MTRF1L: variants seen among roughly 807,000 people sequenced by gnomAD.
The protein encoded by MTRF1L is mitochondrial translation release factor 1 like.
In MTRF1L, 29 loss-of-function variants were observed where a neutral mutation model predicts 40.0. The observed-to-expected ratio is 0.73, with a 90% confidence interval of 0.54 to 0.99. MTRF1L has a LOEUF of 0.99. MTRF1L is among the 50% of genes least tolerant of loss of function. The probability of loss-of-function intolerance (pLI) is 0.00; values close to 1 mark genes in which losing one functional copy is unlikely to be tolerated. For missense variants in MTRF1L, 412 were observed against 464.5 expected, an observed-to-expected ratio of 0.89 and a Z score of 1.04; for synonymous variants, 150 against 175.8, an observed-to-expected ratio of 0.85 and a Z score of 1.16.
chr6:152,993,357 T>G (rs1389920134), intron 4 of MTRF1L, among the ~76,000 whole-genome samples: 1 of 151,850 alleles, frequency 6.6e-6, no homozygotes, highest in Non-Finnish European at 1.5e-5. Context: ...AAAAAAATGG[T>G]AGCGTGAGAA....
rs916407973 is a variant in MTRF1L at position 152,990,235 on chromosome 6, A to G, written c.943-140T>C. ...CCAGGTTTTAAACACTTAGAATCTC[A>G]AATGACATGGGAACATGATATAGAA... On this transcript the variant is annotated intron_variant, in intron 6 of 6. Transcript: ENST00000367233. The G allele has an allele frequency of 4.3e-6, 5 of 1,167,778 alleles. No individual in the cohort carries two copies. In the African/African-American group the frequency reaches 7.8e-5, roughly 18 times the overall value. The allele number at this position is 1,167,778 out of a possible 1,614,324, so 72.3% of individuals were successfully genotyped here.
intron 5 of MTRF1L, among the ~76,000 whole-genome samples, chr6:152,991,835 C>T (rs56051619): frequency 0.21 from 31,340 of 152,144 alleles, 3,311 homozygotes; most frequent in Admixed American, 0.3. Context: ...AGGCGTGAGC[C>T]ACCGCGCCCG....
At position 152,994,189 on chromosome 6, in the gene MTRF1L, A is replaced by G. The variant is rs536835133; in HGVS notation, c.687+324T>C. 5.3e-5 allele frequency among the ~76,000 whole-genome samples: 8 copies of G among 152,340 alleles called. No homozygotes were observed. In the East Asian group the frequency reaches 1.5e-3, roughly 29 times the overall value. On this transcript the variant is annotated intron_variant, in intron 4 of 6. Coordinates refer to ENST00000367233, the MANE Select transcript of MTRF1L (RefSeq NM_019041.7). The stretch of plus-strand genomic sequence containing the variant: ...ATAGGATTGTTGCTGTTAATACCCC[A>G]CAAACCAGTCACACAAGGCAGAAGT...
rs764617792 is a variant in MTRF1L, at chr6:152,995,133, G to A, written c.523+3C>T. On this transcript the variant is annotated splice_donor_region_variant and intron_variant, in intron 3 of 6. Transcript: ENST00000367233. The stretch of plus-strand genomic sequence containing the variant: ...CCTGAAACAAAATGAATAGTTTACT[G>A]ACCTAGTTCACTTGGAAAATATTCC... 1 of 1,599,130 alleles carries A rather than the reference G, an allele frequency of 6.3e-7. No individual in the cohort carries two copies. Among genetic ancestry groups the A allele is most frequent in the Admixed American group, 1.7e-5 (1 of 57,404 alleles).
In MTRF1L at chr6:152,995,210, A is replaced by G. The variant is rs2129099351; in HGVS notation, c.449T>C (p.Phe150Ser). 1.2e-6 allele frequency: 2 copies of G among 1,609,342 alleles called. No individual in the cohort carries two copies. Among genetic ancestry groups the G allele is most frequent in the South Asian group, 1.1e-5 (1 of 90,210 alleles). The stretch of plus-strand genomic sequence containing the variant: ...TGCAGCATATTGCTGATACATATCA[A>G]ATATCTCTGATGTAAACAACATTGC... ...QEAMLFTSEIFDMYQQYAAFK... is the reference protein window; with the variant it reads ...QEAMLFTSEISDMYQQYAAFK... The change falls in exon 3 of 7, where the codon TTT becomes TCT. Residue 150 changes from phenylalanine to serine, a missense_variant. By Grantham distance (155) the Phe-to-Ser change is radical. Transcript: ENST00000367233.
In MTRF1L at chr6:152,998,507, TAAG is replaced by T. The variant is rs201901224; in HGVS notation, c.339+40_339+42del. The T allele has an allele frequency of 7.0e-4, 991 of 1,412,908 alleles. 8 individuals carry two copies. The African/African-American group carries it at 0.013, about 19-fold the overall frequency. 87.5% of individuals were successfully genotyped at this position (1,412,908 alleles called of 1,614,324 possible). ...TAAACCTTTAATAAACTTTAATGCC[TAAG>T]AATAGCACAAATGCTTTATTCTTTG... is the stretch of plus-strand genomic sequence containing the variant. On this transcript the variant is annotated intron_variant, in intron 2 of 6. Coordinates refer to ENST00000367233, the MANE Select transcript of MTRF1L (RefSeq NM_019041.7).
intron 2 of MTRF1L, 47 bp from the exon 3 acceptor site, chr6:152,995,366 T>A: frequency 7.0e-7 from 1 of 1,424,490 alleles, no homozygotes. Flanking sequence ...GATTTAAAAT[T>A]TATCAAAAAA....
intron 2 of MTRF1L, 53 bp downstream of exon 2, chr6:152,998,497 C>A: frequency 7.4e-7 from 1 of 1,344,854 alleles, no homozygotes; most frequent in South Asian, 1.5e-5. Context: ...CTTTAATAAA[C>A]TTTAATGCCT....
rs535367979 is a variant in MTRF1L, at chr6:152,992,459, A to ATT, written c.805+396_805+397dup. 1.0e-3 allele frequency among the ~76,000 whole-genome samples: 153 copies of ATT among 151,480 alleles called. 1 individual carries two copies. Among genetic ancestry groups the ATT allele is most frequent in the Non-Finnish European group, 1.6e-3 (111 of 67,818 alleles). On this transcript the variant is annotated intron_variant, in intron 5 of 6. Coordinates refer to ENST00000367233, the MANE Select transcript of MTRF1L (RefSeq NM_019041.7). Reference sequence around the variant, plus strand: ...GTAGGAGGTCCAATGCTTTCATATCATTTTTTTTTAAAGGAAGCCATGTTC... The same window carrying ATT: ...GTAGGAGGTCCAATGCTTTCATATCATTTTTTTTTTTAAAGGAAGCCATGTTC...
At position 152,989,723 on chromosome 6, in the gene MTRF1L, T is replaced by C; in HGVS notation, c.*172A>G. 1.6e-6 allele frequency: 1 copy of C among 638,628 alleles called. No individual in the cohort carries two copies. Among genetic ancestry groups the C allele is most frequent in the East Asian group, 2.9e-5 (1 of 34,774 alleles). 39.6% of individuals were successfully genotyped at this position (638,628 alleles called of 1,614,324 possible). A position where few individuals can be genotyped will look rare whatever the true frequency, so the allele number is the denominator to read the frequency against. On this transcript the variant is annotated 3_prime_UTR_variant, in exon 7 of 7. Coordinates refer to ENST00000367233, the MANE Select transcript of MTRF1L (RefSeq NM_019041.7). ...GGACCATCTGTATATTGTATGATTT[T>C]TGCTAATGCATTGAGAGAGATCTGT...
chr6:153,002,581 C>G lies in MTRF1L; in HGVS notation c.105G>C (p.Glu35Asp). 1 of 1,561,992 alleles carries G rather than the reference C, an allele frequency of 6.4e-7. No homozygotes were observed. The highest frequency in any genetic ancestry group is 8.7e-7 in the Non-Finnish European group (1 of 1,154,518). The change falls in exon 1 of 7, where the codon GAG becomes GAC. Residue 35 changes from glutamate to aspartate, a missense_variant. Coordinates refer to ENST00000367233, the MANE Select transcript of MTRF1L (RefSeq NM_019041.7). ...GCAAGGGCCCGCCCCGGGTGAACAG[C>G]TCCTCCAGCGGCGGGCTACCGGAGC... is the stretch of plus-strand genomic sequence containing the variant. The part of the protein sequence containing the change: ...PLSSGSPPLE[E>D]LFTRGGPLRT...
rs767559633 is a variant in MTRF1L, at chr6:153,002,662, G to T, written c.24C>A (p.Gly8=). The change falls in exon 1 of 7, where the codon GGC becomes GGA. Residue 8 remains glycine (G), a synonymous_variant. Transcript: ENST00000367233. The part of the protein sequence containing the change: MRSRVLW[G]AARWLWPRRA... The stretch of plus-strand genomic sequence containing the variant: ...GGCGGGGCCAGAGCCACCGGGCAGC[G>T]CCCCACAGAACCCGGGACCGCATCC... 3.3e-6 allele frequency: 5 copies of T among 1,501,784 alleles called. No homozygotes were observed. Among genetic ancestry groups the T allele is most frequent in the East Asian group, 4.9e-5 (2 of 40,624 alleles). The allele number at this position is 1,501,784 out of a possible 1,614,324, so 93.0% of individuals were successfully genotyped here. A position where few individuals can be genotyped will look rare whatever the true frequency, so the allele number is the denominator to read the frequency against.
intron 4 of MTRF1L, among the ~76,000 whole-genome samples, chr6:152,994,268 G>C (rs1163624358): frequency 6.6e-6 from 1 of 151,470 alleles, no homozygotes; most frequent in African/African-American, 2.4e-5. Context: ...CACCCACAGA[G>C]ATGATCTCAC....
intron 5 of MTRF1L, 35 bp from the exon 6 acceptor site, chr6:152,991,356 A>T (rs1233414629): frequency 7.2e-6 from 11 of 1,532,066 alleles, no homozygotes; most frequent in Non-Finnish European, 8.8e-6. Flanking sequence ...AAGTTTTAAT[A>T]AAAAAATCTT....
intron 5 of MTRF1L, among the ~76,000 whole-genome samples, chr6:152,991,708 G>A (rs57617836): frequency 1.2e-3 from 178 of 152,132 alleles, no homozygotes; most frequent in African/African-American, 4.1e-3. Context: ...CATCACGCCC[G>A]GCTAATTTTT....
chr6:152,998,793 C>T (rs1778808175), intron 1 of MTRF1L, 164 bp from the exon 2 acceptor site: 4 of 394,022 alleles, frequency 1.0e-5, no homozygotes, highest in Non-Finnish European at 1.8e-5. Flanking sequence ...CAATAAATGT[C>T]CTTTCAATCA....
intron 2 of MTRF1L, among the ~76,000 whole-genome samples, chr6:152,996,908 T>C (rs1028393349): frequency 2.6e-5 from 4 of 152,206 alleles, no homozygotes; most frequent in African/African-American, 9.6e-5. Context: ...TTCAAAGTTA[T>C]TTTGTAACAA....
chr6:152,995,116 A>G lies in MTRF1L; in HGVS notation c.523+20T>C. ...TTTTCCTAAACACTTTACCTGAAAC[A>G]AAATGAATAGTTTACTGACCTAGTT... On this transcript the variant is annotated intron_variant, in intron 3 of 6. Transcript: ENST00000367233. 6.3e-7 allele frequency: 1 copy of G among 1,580,008 alleles called. No individual in the cohort carries two copies. Among genetic ancestry groups the G allele is most frequent in the Non-Finnish European group, 8.6e-7 (1 of 1,164,754 alleles).
chr6:152,999,803 C>G (rs1778847417), intron 1 of MTRF1L, among the ~76,000 whole-genome samples: 1 of 152,200 alleles, frequency 6.6e-6, no homozygotes, highest in South Asian at 2.1e-4. Flanking sequence ...TCTATTAAAC[C>G]TCTTTTTCTT....
Sources: allele counts gnomAD v4.1 joint callset (sites outside exome capture counted in the v4.1 genomes callset), GRCh38; gene constraint gnomAD v4.1.1; transcripts MANE v1.5; gene names NCBI Gene and HGNC (gene_info 2026-07-23, HGNC 2026-07-21).